SH3BP4: variants seen among roughly 807,000 people sequenced by gnomAD.
SH3BP4 encodes SH3 domain-binding protein 4.
SH3BP4 carries 33 observed loss-of-function variants against 65.5 expected under a neutral mutation model. The observed-to-expected ratio is 0.50, with a 90% CI of 0.38 to 0.67. SH3BP4 has a LOEUF of 0.67. Among genes scored for constraint, SH3BP4 ranks in the 30% least tolerant of loss-of-function variants. SH3BP4 has a pLI of 0.00. For synonymous variants in SH3BP4, 552 were observed against 545.5 expected (o/e 1.01, Z -0.17); for missense variants, 1,134 against 1,261.4 (o/e 0.90, Z 1.53).
At chr2:235,031,419 G>T (rs189178137) in intron 2 of SH3BP4, among the ~76,000 whole-genome samples, 186 of 152,324 alleles carry the variant, frequency 1.2e-3, no homozygotes, top group African/African-American at 4.2e-3. Context: ...CTCCCAGGGC[G>T]CTGGAGGCCA....
At position 235,054,604 on chromosome 2, in the gene SH3BP4, C is replaced by A. The variant is rs1197480498; in HGVS notation, c.*788C>A. On this transcript the variant is annotated 3_prime_UTR_variant, in exon 6 of 6. Coordinates refer to ENST00000392011, the MANE Select transcript of SH3BP4 (RefSeq NM_014521.3). The stretch of plus-strand genomic sequence containing the variant: ...AGTTGACAGTCTTTAGGGCCCCTGC[C>A]AGTGTGCAATTAGTCATTGACAAGA... 1 of 152,238 alleles carries A rather than the reference C, an allele frequency of 6.6e-6. No homozygotes were observed. The highest frequency in any genetic ancestry group is 1.5e-5 in the Non-Finnish European group (1 of 68,042). The allele number at this position is 152,238 out of a possible 1,614,324, so 9.4% of individuals were successfully genotyped here.
Position 235,041,985 on chromosome 2 carries a change from T to C in SH3BP4, c.1216T>C (p.Phe406Leu). The C allele has an allele frequency of 6.2e-7, 1 of 1,613,272 alleles. No homozygotes were observed. Among genetic ancestry groups the C allele is most frequent in the Non-Finnish European group, 8.5e-7 (1 of 1,179,366 alleles). Residue 406 changes from phenylalanine to leucine, a missense_variant, in exon 4 of 6, where the codon TTT becomes CTT. Phe to Leu is a conservative substitution (Grantham distance 22). Coordinates refer to ENST00000392011, the MANE Select transcript of SH3BP4 (RefSeq NM_014521.3). This position sits in a 1 kb window ranked among gnomAD's most constrained non-coding sequence, Gnocchi z 6.0. ...KVSAEIKNDLFSKSTVGLQCL... is the reference protein window; with the variant it reads ...KVSAEIKNDLLSKSTVGLQCL... ...GTCAGCCGAGATAAAAAATGACCTT[T>C]TTAGCAAAAGCACAGTGGGCCTCCA...
At chr2:235,005,934 G>A (rs538163232) in intron 2 of SH3BP4, among the ~76,000 whole-genome samples, 9 of 152,240 alleles carry the variant, frequency 5.9e-5, no homozygotes, top group African/African-American at 9.6e-5. Flanking sequence ...TTGGAATCCC[G>A]CTCTTGCGTG....
At position 235,019,707 on chromosome 2, in the gene SH3BP4, A is replaced by G. The variant is rs1276025926; in HGVS notation, c.-132-15164A>G. Among the ~76,000 whole-genome samples the G allele has an allele frequency of 2.6e-5, 4 of 151,944 alleles. No homozygotes were observed. The East Asian group carries it at 5.8e-4, about 22-fold the overall frequency. On this transcript the variant is annotated intron_variant, in intron 2 of 5. Coordinates refer to ENST00000392011, the MANE Select transcript of SH3BP4 (RefSeq NM_014521.3). ...CGCCTCAGCCTCTTAAAGTGCTGGC[A>G]TTACAGGTGTGAGCCACCACGCCTG...
At chr2:234,996,070 C>T (rs948113553) in intron 2 of SH3BP4, 2 of 152,176 alleles carry the variant, frequency 1.3e-5, no homozygotes, top group Non-Finnish European at 2.9e-5. Flanking sequence ...TTTGTAAAGT[C>T]GGTTGGATAG....
chr2:234,989,588 T>A (rs1369115362), intron 1 of SH3BP4, among the ~76,000 whole-genome samples: 1 of 152,214 alleles, frequency 6.6e-6, no homozygotes, highest in East Asian at 1.9e-4. Context: ...AGAGAGTAAC[T>A]ATTTTCCACC....
At chr2:234,964,575 C>G (rs2106242664) in intron 1 of SH3BP4, among the ~76,000 whole-genome samples, 1 of 152,112 alleles carries the variant, frequency 6.6e-6, no homozygotes, top group East Asian at 1.9e-4. Flanking sequence ...AGAAGCCCCA[C>G]TAAGTAGGGG....
At chr2:234,960,492 G>A (rs544873603) in intron 1 of SH3BP4, among the ~76,000 whole-genome samples, 1 of 152,084 alleles carries the variant, frequency 6.6e-6, no homozygotes, top group African/African-American at 2.4e-5. Flanking sequence ...GCTGACTCTG[G>A]GTGACATCAG....
intron 4 of SH3BP4, among the ~76,000 whole-genome samples, chr2:235,048,906 C>T (rs1159207281): frequency 6.6e-6 from 1 of 152,170 alleles, no homozygotes; most frequent in African/African-American, 2.4e-5. Flanking sequence ...CCTGGTGTAC[C>T]TGTGTGCCCA....
chr2:234,999,344 A>G (rs1430221662), intron 2 of SH3BP4, among the ~76,000 whole-genome samples: 1 of 152,190 alleles, frequency 6.6e-6, no homozygotes, highest in African/African-American at 2.4e-5. Context: ...AGATTCCGCT[A>G]TTATTTATTT....
intron 2 of SH3BP4, among the ~76,000 whole-genome samples, chr2:235,032,441 A>G (rs1650796199): frequency 6.6e-6 from 1 of 152,158 alleles, no homozygotes; most frequent in Non-Finnish European, 1.5e-5. Flanking sequence ...TCTTCAGTAA[A>G]TGATCCCGCA....
Position 235,033,372 on chromosome 2 carries a change from T to C in SH3BP4, c.-132-1499T>C, listed in dbSNP as rs935649380. Among the ~76,000 whole-genome samples, 3 of 152,200 alleles carry C rather than the reference T, an allele frequency of 2.0e-5. No individual in the cohort carries two copies. Among genetic ancestry groups the C allele is most frequent in the Admixed American group, 6.5e-5 (1 of 15,288 alleles). ...TGATCTGATCATGAGGACCCCACCT[T>C]CATGATCTCTTCTAACTCTAACTAC... is the stretch of plus-strand genomic sequence containing the variant. On this transcript the variant is annotated intron_variant, in intron 2 of 5. Transcript: ENST00000392011. This position sits in a 1 kb window ranked among gnomAD's most constrained non-coding sequence, Gnocchi z 5.7.
intron 4 of SH3BP4, among the ~76,000 whole-genome samples, chr2:235,051,624 G>T (rs1231526150): frequency 6.6e-6 from 1 of 152,060 alleles, no homozygotes; most frequent in East Asian, 1.9e-4. Context: ...TTCTCATGTT[G>T]CACAGTCCTG....
intron 1 of SH3BP4, among the ~76,000 whole-genome samples, chr2:234,969,855 T>C (rs751250215): frequency 3.9e-5 from 6 of 151,978 alleles, no homozygotes; most frequent in Non-Finnish European, 7.4e-5. Flanking sequence ...ACACACCCCC[T>C]CTTTCTCTGT....
chr2:235,000,664 G>A (rs1694069963), intron 2 of SH3BP4, among the ~76,000 whole-genome samples: 1 of 152,236 alleles, frequency 6.6e-6, no homozygotes, highest in African/African-American at 2.4e-5. Flanking sequence ...CATGTGGTGT[G>A]CTCTGAATCT....
intron 4 of SH3BP4, among the ~76,000 whole-genome samples, chr2:235,050,545 C>G (rs572003152): frequency 6.6e-6 from 1 of 152,092 alleles, no homozygotes; most frequent in Admixed American, 6.5e-5. Flanking sequence ...AATGATCTGT[C>G]GCTCCTGGTT....
At chr2:234,992,728 C>T (rs957219145) in intron 1 of SH3BP4, among the ~76,000 whole-genome samples, 2 of 145,838 alleles carry the variant, frequency 1.4e-5, no homozygotes, top group African/African-American at 4.9e-5. Context: ...CTGGGCAGCA[C>T]CTGGAGATGG....
rs560037295 is a variant in SH3BP4 at position 235,001,784 on chromosome 2, C to T, written c.-133+6408C>T. On this transcript the variant is annotated intron_variant, in intron 2 of 5. Transcript: ENST00000392011. ...GGACCGTTCGGGCAACTTGGTGTTC[C>T]GGCCTGGACATTTCAGTGCTGCATT... 7.3e-4 allele frequency among the ~76,000 whole-genome samples: 111 copies of T among 152,294 alleles called. 1 individual carries two copies. The highest frequency in any genetic ancestry group is 2.5e-3 in the African/African-American group (103 of 41,560).
intron 1 of SH3BP4, among the ~76,000 whole-genome samples, chr2:234,989,625 G>A (rs1693687125): frequency 6.6e-6 from 1 of 152,200 alleles, no homozygotes; most frequent in Non-Finnish European, 1.5e-5. Flanking sequence ...CTGTGTCACA[G>A]CTCCACTGTT....
Sources: gnomAD v4.1 joint callset for allele counts (sites outside exome capture counted in the v4.1 genomes callset) on GRCh38, gnomAD v4.1.1 for gene constraint, Gnocchi (gnomAD v3.1) non-coding constraint, MANE v1.5 for transcripts, NCBI Gene and HGNC (gene_info 2026-07-23, HGNC 2026-07-21) for gene names.